The following ABHD12B variants were observed in gnomAD, a reference collection of about 807,000 sequenced individuals.
ABHD12B encodes protein ABHD12B.
In ABHD12B, 42 loss-of-function variants were observed where a neutral mutation model predicts 50.4. The ratio of observed to expected loss-of-function variants is 0.83; its 90% confidence interval spans 0.65 to 1.08. The LOEUF (loss-of-function observed/expected upper bound fraction) is 1.08. Among genes scored for constraint, ABHD12B ranks in the 50% least tolerant of loss-of-function variants. The probability of loss-of-function intolerance (pLI) is 0.00; values close to 1 mark genes in which losing one functional copy is unlikely to be tolerated. For missense variants in ABHD12B, 479 were observed against 447.7 expected, an observed-to-expected ratio of 1.07 and a Z score of -0.63; for synonymous variants, 167 against 160.3, an observed-to-expected ratio of 1.04 and a Z score of -0.32.
intron 1 of ABHD12B, among the ~76,000 whole-genome samples, chr14:50,875,127 A>T (rs926097467): frequency 6.6e-6 from 1 of 152,214 alleles, no homozygotes; most frequent in African/African-American, 2.4e-5. Context: ...ATAATGGGAA[A>T]GCCATCACAG....
chr14:50,903,732 A>C (rs963925789), intron 11 of ABHD12B, among the ~76,000 whole-genome samples: 5 of 151,756 alleles, frequency 3.3e-5, no homozygotes, highest in Non-Finnish European at 7.4e-5. Flanking sequence ...TGCTGTGGGA[A>C]CCTCCATGTC....
At chr14:50,891,214 A>C (rs958901070) in intron 9 of ABHD12B, 2 of 150,588 alleles carry the variant, frequency 1.3e-5, no homozygotes, top group African/African-American at 2.4e-5. Context: ...TTGTCTTTTC[A>C]CTTTCTTAAT....
chr14:50,881,046 A>G (rs1008465709), intron 4 of ABHD12B, among the ~76,000 whole-genome samples: 5 of 152,226 alleles, frequency 3.3e-5, no homozygotes, highest in Non-Finnish European at 5.9e-5. Context: ...GACCACAGGT[A>G]CTGGGGACCG....
intron 3 of ABHD12B, among the ~76,000 whole-genome samples, chr14:50,879,821 G>A (rs1596001693): frequency 6.6e-6 from 1 of 152,210 alleles, no homozygotes; most frequent in South Asian, 2.1e-4. Context: ...TGGGGATGAT[G>A]GCAGACTTTC....
In ABHD12B at chr14:50,872,143, G is replaced by A; in HGVS notation, c.-32G>A. On this transcript the variant is annotated 5_prime_UTR_variant, in exon 1 of 13. Coordinates refer to ENST00000337334, the MANE Select transcript of ABHD12B (RefSeq NM_001206673.2). Reference sequence around the variant, plus strand: ...GGCTGCTCCGGACTGCAGCTCCCGCGGCGGTGGCGGCGTATCGGGACACGG... The same window carrying A: ...GGCTGCTCCGGACTGCAGCTCCCGCAGCGGTGGCGGCGTATCGGGACACGG... 4 of 1,265,454 alleles carry A rather than the reference G, an allele frequency of 3.2e-6. No individual in the cohort carries two copies. The highest frequency in any genetic ancestry group is 3.3e-5 in the East Asian group (1 of 29,990). 78.4% of individuals were successfully genotyped at this position (1,265,454 alleles called of 1,614,324 possible).
chr14:50,880,467 C>T lies in ABHD12B; in HGVS notation c.351C>T (p.Ser117=). The T allele has an allele frequency of 2.5e-6, 4 of 1,609,282 alleles. No individual in the cohort carries two copies. The highest frequency in any genetic ancestry group is 3.4e-6 in the Non-Finnish European group (4 of 1,177,876). ...TGCTCTTCAGGCACACAGTCCCCAG[C>T]TGCCGGGGGGAAGATGCCAAGGGGA... The part of the protein sequence containing the change: ...VMLGIWHTVP[S]CRGEDAKGKD... Residue 117 remains serine, a synonymous_variant, in exon 4 of 13, where the codon AGC becomes AGT. Coordinates refer to ENST00000337334, the MANE Select transcript of ABHD12B (RefSeq NM_001206673.2).
chr14:50,881,079 A>T (rs180772337), intron 4 of ABHD12B, among the ~76,000 whole-genome samples: 2 of 152,358 alleles, frequency 1.3e-5, no homozygotes, highest in Non-Finnish European at 2.9e-5. Context: ...TAGAATATTC[A>T]TACCTCAGCC....
chr14:50,873,652 G>A (rs2049818389), intron 1 of ABHD12B, among the ~76,000 whole-genome samples: 2 of 152,182 alleles, frequency 1.3e-5, no homozygotes, highest in Non-Finnish European at 2.9e-5. Context: ...GATTGCACTT[G>A]TCAAACTGCA....
intron 11 of ABHD12B, 148 bp from the exon 12 acceptor site, chr14:50,903,926 G>A (rs2050297091): frequency 4.5e-6 from 3 of 660,054 alleles, no homozygotes; most frequent in Non-Finnish European, 8.0e-6. Context: ...GTAGAGACAG[G>A]CAACTGGGAC....
At chr14:50,894,053 T>C (rs2050157818) in intron 9 of ABHD12B, among the ~76,000 whole-genome samples, 1 of 152,210 alleles carries the variant, frequency 6.6e-6, no homozygotes, top group African/African-American at 2.4e-5. Context: ...CCTTGGTCCT[T>C]CACCCTTAGC....
intron 9 of ABHD12B, among the ~76,000 whole-genome samples, chr14:50,897,831 C>T (rs1195504389): frequency 6.6e-6 from 1 of 152,212 alleles, no homozygotes; most frequent in Non-Finnish European, 1.5e-5. Context: ...ATGTAAAGTA[C>T]CCAGCTGCTA....
At chr14:50,873,309 C>T (rs891249655) in intron 1 of ABHD12B, among the ~76,000 whole-genome samples, 2 of 151,948 alleles carry the variant, frequency 1.3e-5, no homozygotes, top group Admixed American at 6.6e-5. Context: ...TCCCAGGGCT[C>T]CAGCGATCCT....
Position 50,904,894 on chromosome 14 carries a change from G to T in ABHD12B, c.*528G>T. ...CACAAAGTAGCCCTCATCAGACACT[G>T]AATCAGCCAGTGCCTTGCTCTTGGA... On this transcript the variant is annotated 3_prime_UTR_variant, in exon 13 of 13. Transcript: ENST00000337334. The T allele has an allele frequency of 8.6e-6, 2 of 233,850 alleles. No individual in the cohort carries two copies. Among genetic ancestry groups the T allele is most frequent in the South Asian group, 1.2e-4 (2 of 16,260 alleles). 14.5% of individuals were successfully genotyped at this position (233,850 alleles called of 1,614,324 possible).
chr14:50,872,295 C>A lies in ABHD12B; in HGVS notation c.104+17C>A. Reference sequence around the variant, plus strand: ...CAACCTGCGGTGAGTACCGCCCGGTCCACCCCTGGCCGGGCCCCGACGGCT... The same window carrying A: ...CAACCTGCGGTGAGTACCGCCCGGTACACCCCTGGCCGGGCCCCGACGGCT... On this transcript the variant is annotated intron_variant, in intron 1 of 12. Transcript: ENST00000337334. 7.8e-7 allele frequency: 1 copy of A among 1,279,716 alleles called. No homozygotes were observed. The highest frequency in any genetic ancestry group is 9.9e-7 in the Non-Finnish European group (1 of 1,012,618). 79.3% of individuals were successfully genotyped at this position (1,279,716 alleles called of 1,614,324 possible).
chr14:50,901,811 T>C lies in ABHD12B; in HGVS notation c.781-18T>C. 1 of 1,553,352 alleles carries C rather than the reference T, an allele frequency of 6.4e-7. No homozygotes were observed. Among genetic ancestry groups the C allele is most frequent in the Non-Finnish European group, 8.7e-7 (1 of 1,143,814 alleles). On this transcript the variant is annotated intron_variant, in intron 9 of 12. Coordinates refer to ENST00000337334, the MANE Select transcript of ABHD12B (RefSeq NM_001206673.2). ...GCTATGGGGCAAATATTAATTTTTT[T>C]TTCTTTTTTAAAAATAGATTTACCG...
rs11157781 is a variant in ABHD12B, at chr14:50,904,432, C to T, written c.*66C>T. On this transcript the variant is annotated 3_prime_UTR_variant, in exon 13 of 13. Coordinates refer to ENST00000337334, the MANE Select transcript of ABHD12B (RefSeq NM_001206673.2). The stretch of plus-strand genomic sequence containing the variant: ...AACACCACCTGTGATGTATATTGTT[C>T]TAATGTAAAATTGTACTGGGCTGGT... The T allele has an allele frequency of 0.21, 338,287 of 1,601,192 alleles. 40,218 individuals carry two copies. The highest frequency in any genetic ancestry group is 0.45 in the Admixed American group (26,996 of 59,934).
Position 50,904,458 on chromosome 14 carries a change from C to A in ABHD12B, c.*92C>A. The A allele has an allele frequency of 3.2e-6, 5 of 1,538,728 alleles. No homozygotes were observed. In the South Asian group the frequency reaches 4.5e-5, roughly 14 times the overall value. On this transcript the variant is annotated 3_prime_UTR_variant, in exon 13 of 13. Transcript: ENST00000337334. ...TAATGTAAAATTGTACTGGGCTGGT[C>A]GGATGAGCTGAGGCCATTGACTTCT...
chr14:50,886,588 GA>G (rs1422078185), intron 7 of ABHD12B, 58 bp from the exon 8 acceptor site: 5 of 1,512,168 alleles, frequency 3.3e-6, no homozygotes, highest in Non-Finnish European at 4.5e-6. Context: ...GCTCATACCA[GA>G]AGTTGCATTT....
At chr14:50,877,458 C>A (rs529628440) in intron 1 of ABHD12B, among the ~76,000 whole-genome samples, 1 of 152,280 alleles carries the variant, frequency 6.6e-6, no homozygotes, top group South Asian at 2.1e-4. Flanking sequence ...CCTTCCTGTC[C>A]CTGCCATGTC....
Sources: gnomAD v4.1 joint callset for allele counts (sites outside exome capture counted in the v4.1 genomes callset) on GRCh38, gnomAD v4.1.1 for gene constraint, MANE v1.5 for transcripts, NCBI Gene and HGNC (gene_info 2026-07-23, HGNC 2026-07-21) for gene names.